ANGPT2: variants seen among roughly 807,000 people sequenced by gnomAD.
ANGPT2 encodes the protein angiopoietin 2, also known as angiopoietin-2.
Under a neutral mutation model 62.9 loss-of-function variants are expected in ANGPT2, and 28 were observed. That is an observed-to-expected ratio of 0.44 (90% CI 0.33 to 0.61). The LOEUF (loss-of-function observed/expected upper bound fraction) is 0.61. Among genes scored for constraint, ANGPT2 ranks in the 20% least tolerant of loss-of-function variants. The probability of loss-of-function intolerance (pLI) is 0.03; values close to 1 mark genes in which losing one functional copy is unlikely to be tolerated. For synonymous variants in ANGPT2, 284 were observed against 207.8 expected, an observed-to-expected ratio of 1.37 and a Z score of -3.15; for missense variants, 727 against 594.9, an observed-to-expected ratio of 1.22 and a Z score of -2.31.
chr8:6,515,885 A>T (rs1816171244), intron 5 of ANGPT2, among the ~76,000 whole-genome samples: 1 of 152,226 alleles, frequency 6.6e-6, no homozygotes, highest in Admixed American at 6.5e-5. Flanking sequence ...CGAAAAGAGA[A>T]CCAAGAGAGT....
In ANGPT2 at chr8:6,502,450, G is replaced by A. The variant is rs936605554; in HGVS notation, c.*651C>T. ...TTTCTACCATATAAATTTGAAATAC[G>A]TATTTGAGCATTAACTTATAACTAA... On this transcript the variant is annotated 3_prime_UTR_variant, in exon 9 of 9. Transcript: ENST00000629816. 1.3e-5 allele frequency: 2 copies of A among 152,126 alleles called. No homozygotes were observed. Among genetic ancestry groups the A allele is most frequent in the African/African-American group, 4.8e-5 (2 of 41,420 alleles). The allele number at this position is 152,126 out of a possible 1,614,324, so 9.4% of individuals were successfully genotyped here.
At chr8:6,538,382 C>A (rs1175637115) in intron 1 of ANGPT2, among the ~76,000 whole-genome samples, 11 of 152,236 alleles carry the variant, frequency 7.2e-5, no homozygotes, top group African/African-American at 2.4e-4. Flanking sequence ...GCTCTCCTTT[C>A]ATCCCGCTGT....
At chr8:6,560,077 C>A (rs1458218757) in intron 1 of ANGPT2, among the ~76,000 whole-genome samples, 3 of 152,188 alleles carry the variant, frequency 2.0e-5, no homozygotes, top group African/African-American at 7.2e-5. Flanking sequence ...TATTTATTTG[C>A]CCTAAAATGA....
At chr8:6,507,551 A>G (rs1298616518) in intron 8 of ANGPT2, 1 of 151,180 alleles carries the variant, frequency 6.6e-6, no homozygotes, top group East Asian at 1.9e-4. Context: ...TTAACAAATC[A>G]GAAAAATAAC....
intron 5 of ANGPT2, among the ~76,000 whole-genome samples, chr8:6,517,373 C>T (rs1235633807): frequency 1.3e-5 from 2 of 152,140 alleles, no homozygotes; most frequent in African/African-American, 2.4e-5. Context: ...TAGAGACAAC[C>T]GTTAGGAGTC....
At chr8:6,546,779 C>G (rs974818182) in intron 1 of ANGPT2, among the ~76,000 whole-genome samples, 38 of 152,212 alleles carry the variant, frequency 2.5e-4, no homozygotes, top group African/African-American at 8.7e-4. Context: ...TCTTCCTCCC[C>G]TTCCCCCAAT....
At chr8:6,506,412 C>G (rs917329386) in intron 8 of ANGPT2, among the ~76,000 whole-genome samples, 17 of 151,992 alleles carry the variant, frequency 1.1e-4, no homozygotes, top group African/African-American at 4.1e-4. Flanking sequence ...ATTCTCAGTC[C>G]CTAAATCTTG....
chr8:6,505,383 TTC>T (rs573406030), intron 8 of ANGPT2, among the ~76,000 whole-genome samples: 1,612 of 59,782 alleles, frequency 0.027, 89 homozygotes, highest in Non-Finnish European at 0.033. Flanking sequence ...TATATATTCT[TTC>T]TATATGTATA....
Position 6,522,179 on chromosome 8 carries a change from C to T in ANGPT2, c.567-769G>A, listed in dbSNP as rs150230282. 9.3e-3 allele frequency among the ~76,000 whole-genome samples: 1,414 copies of T among 151,956 alleles called. 26 individuals carry two copies. The highest frequency in any genetic ancestry group is 0.032 in the African/African-American group (1,345 of 41,444). On this transcript the variant is annotated intron_variant, in intron 3 of 8. Transcript: ENST00000629816. ...GAGTATCCTGGCTAACACGGTGAAA[C>T]CCCGTCTCCACTAAAAATACAAAAA...
intron 8 of ANGPT2, among the ~76,000 whole-genome samples, chr8:6,504,102 A>T (rs969141998): frequency 6.6e-6 from 1 of 152,122 alleles, no homozygotes; most frequent in East Asian, 1.9e-4. Flanking sequence ...GTGGATCACG[A>T]GATCAGGAGA....
chr8:6,530,744 C>G (rs953021197), intron 2 of ANGPT2, among the ~76,000 whole-genome samples: 1 of 152,030 alleles, frequency 6.6e-6, no homozygotes. Context: ...ATTTGTTATT[C>G]TATTCTCTTA....
intron 3 of ANGPT2, among the ~76,000 whole-genome samples, chr8:6,523,289 G>A (rs567547718): frequency 3.3e-5 from 5 of 152,206 alleles, no homozygotes; most frequent in South Asian, 4.2e-4. Flanking sequence ...GAGCCACCAC[G>A]CCTGGCAGAA....
chr8:6,533,060 C>T (rs1004959847), intron 1 of ANGPT2, among the ~76,000 whole-genome samples: 2 of 152,218 alleles, frequency 1.3e-5, no homozygotes, highest in Non-Finnish European at 2.9e-5. Flanking sequence ...CACCTTCCTC[C>T]GTATTGAGTT....
In ANGPT2 at chr8:6,500,099, A is replaced by T. The variant is rs1811855944; in HGVS notation, c.*3002T>A. 3.1e-6 allele frequency: 2 copies of T among 648,656 alleles called. No homozygotes were observed. Among genetic ancestry groups the T allele is most frequent in the Non-Finnish European group, 5.5e-6 (2 of 362,804 alleles). The allele number at this position is 648,656 out of a possible 1,614,324, so 40.2% of individuals were successfully genotyped here. ...TTTATCAATTTATTCGCGAGAACAAATGTGAGAACGTGAGACCATTGTGCA... is the reference window on the plus strand; with the variant it reads ...TTTATCAATTTATTCGCGAGAACAATTGTGAGAACGTGAGACCATTGTGCA... On this transcript the variant is annotated 3_prime_UTR_variant, in exon 9 of 9. Transcript: ENST00000629816.
At chr8:6,512,044 C>T (rs1057469064) in intron 7 of ANGPT2, among the ~76,000 whole-genome samples, 57 of 151,960 alleles carry the variant, frequency 3.8e-4, no homozygotes, top group Admixed American at 2.6e-3. Flanking sequence ...CAAGTTGGAA[C>T]TGCTGTGAGG....
chr8:6,556,339 A>T (rs1824602818), intron 1 of ANGPT2, among the ~76,000 whole-genome samples: 1 of 152,022 alleles, frequency 6.6e-6, no homozygotes, highest in African/African-American at 2.4e-5. Flanking sequence ...CATTTTTTGC[A>T]GTATCTATAT....
At chr8:6,507,188 A>G (rs1281008367) in intron 8 of ANGPT2, among the ~76,000 whole-genome samples, 2 of 152,198 alleles carry the variant, frequency 1.3e-5, no homozygotes, top group African/African-American at 2.4e-5. Flanking sequence ...GGGGGCCACC[A>G]TGCCCAGCCC....
intron 1 of ANGPT2, among the ~76,000 whole-genome samples, chr8:6,556,658 G>A (rs1018988956): frequency 6.6e-6 from 1 of 151,802 alleles, no homozygotes. Context: ...TTGTTGCCCA[G>A]GCTGGAGCGC....
intron 1 of ANGPT2, among the ~76,000 whole-genome samples, chr8:6,541,557 G>A (rs1821580542): frequency 6.6e-6 from 1 of 152,198 alleles, no homozygotes; most frequent in African/African-American, 2.4e-5. Flanking sequence ...GAGACGCTCG[G>A]CAGGTCCTTG....
Sources: gnomAD v4.1 joint callset for allele counts (sites outside exome capture counted in the v4.1 genomes callset) on GRCh38, gnomAD v4.1.1 for gene constraint, MANE v1.5 for transcripts, NCBI Gene and HGNC (gene_info 2026-07-23, HGNC 2026-07-21) for gene names.